EXOC8: variants seen among roughly 807,000 people sequenced by gnomAD.
The protein encoded by EXOC8 is exocyst complex component 8.
Under a neutral mutation model 50.8 loss-of-function variants are expected in EXOC8, and 19 were observed. The ratio of observed to expected loss-of-function variants is 0.37; its 90% confidence interval spans 0.26 to 0.55. The LOEUF is 0.55. Ranked by LOEUF, EXOC8 falls within the 20% of genes least tolerant of loss-of-function variation. The probability of loss-of-function intolerance (pLI) is 0.80; values close to 1 mark genes in which losing one functional copy is unlikely to be tolerated. For missense variants in EXOC8, 781 were observed against 915.8 expected (o/e 0.85, Z 1.90); for synonymous variants, 384 against 367.9 (o/e 1.04, Z -0.50).
In EXOC8 at chr1:231,336,329, C is replaced by A; in HGVS notation, c.1417G>T (p.Glu473Ter). 1.9e-6 allele frequency: 3 copies of A among 1,614,050 alleles called. No individual in the cohort carries two copies. The highest frequency in any genetic ancestry group is 2.5e-6 in the Non-Finnish European group (3 of 1,179,994). Residue 473 changes from glutamate (E) to a stop codon, truncating the protein, a stop_gained, in exon 1 of 1, where the codon GAA becomes TAA. Coordinates refer to ENST00000366645, the MANE Select transcript of EXOC8 (RefSeq NM_175876.5). LOFTEE classifies it high-confidence loss of function. The surrounding 1 kb of genome is among the most constrained non-coding windows in gnomAD (Gnocchi z 5.4). Reference sequence around the variant, plus strand: ...GTGCCTGCAAAATCGATCTCAAATTCTCTTGCAGTCTCGAGAAGGCTGGTA... The same window carrying A: ...GTGCCTGCAAAATCGATCTCAAATTATCTTGCAGTCTCGAGAAGGCTGGTA... ...FFTSLLETAR[E>*]FEIDFAGTDS...
chr1:231,336,629 G>A lies in EXOC8; in HGVS notation c.1117C>T (p.Pro373Ser), dbSNP rs1255700287. ...LNHYLEDKPS[P>S]PPVKELRAKV... ...GCCCTTAGTTCTTTTACAGGAGGTG[G>A]GCTAGGTTTATCTTCCAGGTAATGG... Residue 373 changes from proline to serine, a missense_variant, in exon 1 of 1, where the codon CCA (proline) becomes TCA (serine). Around this residue, in one of 3 missense-constraint regions of EXOC8, gnomAD observed 700 missense variants for 804.1 expected, o/e 0.87. Transcript: ENST00000366645. The surrounding 1 kb of genome is among the most constrained non-coding windows in gnomAD (Gnocchi z 5.4). 1 of 1,614,148 alleles carries A rather than the reference G, an allele frequency of 6.2e-7. No individual in the cohort carries two copies.
Position 231,332,819 on chromosome 1 carries a change from C to T in EXOC8, c.*2749G>A, listed in dbSNP as rs1240842377. 2.0e-5 allele frequency: 3 copies of T among 152,140 alleles called. No individual in the cohort carries two copies. Among genetic ancestry groups the T allele is most frequent in the African/African-American group, 7.2e-5 (3 of 41,432 alleles). 9.4% of individuals were successfully genotyped at this position (152,140 alleles called of 1,614,324 possible). On this transcript the variant is annotated 3_prime_UTR_variant, in exon 1 of 1. Transcript: ENST00000366645. ...TTTCAGATTCCCTCATATCACAGCACATCAATAAGCAGTATGTACATAGAC... is the reference window on the plus strand; with the variant it reads ...TTTCAGATTCCCTCATATCACAGCATATCAATAAGCAGTATGTACATAGAC...
rs1686666603 is a variant in EXOC8 at position 231,336,066 on chromosome 1, T to A, written c.1680A>T (p.Glu560Asp). ...DIQGALHSYKEIIIEATKHRN... is the reference protein window; with the variant it reads ...DIQGALHSYKDIIIEATKHRN... ...GATGTTTAGTGGCTTCAATGATGAT[T>A]TCTTTGTAACTGTGCAAGGCCCCTT... Residue 560 changes from glutamate (E) to aspartate (D), a missense_variant, in exon 1 of 1, where the codon GAA (glutamate) becomes GAT (aspartate). By Grantham distance (45) the Glu-to-Asp change is conservative. Transcript: ENST00000366645. The surrounding 1 kb of genome is among the most constrained non-coding windows in gnomAD (Gnocchi z 5.4). 6.2e-7 allele frequency: 1 copy of A among 1,614,206 alleles called. No homozygotes were observed. Among genetic ancestry groups the A allele is most frequent in the Non-Finnish European group, 8.5e-7 (1 of 1,180,040 alleles).
Position 231,337,023 on chromosome 1 carries a change from G to C in EXOC8, c.723C>G (p.Val241=), listed in dbSNP as rs764558964. Residue 241 remains valine (V), a synonymous_variant, in exon 1 of 1, where the codon GTC becomes GTG. Coordinates refer to ENST00000366645, the MANE Select transcript of EXOC8 (RefSeq NM_175876.5). This position sits in a 1 kb window ranked among gnomAD's most constrained non-coding sequence, Gnocchi z 5.9. ...YSLDGLAVVN[V]KDNPPMKDMF... ...TGTCCTTCATGGGCGGGTTGTCCTT[G>C]ACATTGACTACGGCCAAACCATCTA... 3.1e-6 allele frequency: 5 copies of C among 1,614,096 alleles called. No homozygotes were observed. The South Asian group carries it at 3.3e-5, about 11-fold the overall frequency.
chr1:231,335,451 C>T lies in EXOC8; in HGVS notation c.*117G>A, dbSNP rs1686644633. The T allele has an allele frequency of 5.9e-6, 6 of 1,014,132 alleles. No individual in the cohort carries two copies. The highest frequency in any genetic ancestry group is 7.7e-6 in the Non-Finnish European group (6 of 776,174). 62.8% of individuals were successfully genotyped at this position (1,014,132 alleles called of 1,614,324 possible). On this transcript the variant is annotated 3_prime_UTR_variant, in exon 1 of 1. Coordinates refer to ENST00000366645, the MANE Select transcript of EXOC8 (RefSeq NM_175876.5). ...TGATTTTTGTATTTTTAAGAGGGCACTTTTAATTTTCAAGTTGTGTTTGAA... is the reference window on the plus strand; with the variant it reads ...TGATTTTTGTATTTTTAAGAGGGCATTTTTAATTTTCAAGTTGTGTTTGAA...
In EXOC8 at chr1:231,335,022, A is replaced by AG. The variant is rs1310793329; in HGVS notation, c.*545_*546insC. 2 of 151,918 alleles carry AG rather than the reference A, an allele frequency of 1.3e-5. No individual in the cohort carries two copies. Among genetic ancestry groups the AG allele is most frequent in the Admixed American group, 6.6e-5 (1 of 15,248 alleles). 9.4% of individuals were successfully genotyped at this position (151,918 alleles called of 1,614,324 possible). On this transcript the variant is annotated 3_prime_UTR_variant, in exon 1 of 1. Transcript: ENST00000366645. ...GTATAATATATACTGTGGGGAAAAA[A>AG]AAAAAGAAGAAAGAAAAGACTAGCC...
Position 231,337,383 on chromosome 1 carries a change from C to G in EXOC8, c.363G>C (p.Glu121Asp). 6.2e-7 allele frequency: 1 copy of G among 1,604,044 alleles called. No homozygotes were observed. Among genetic ancestry groups the G allele is most frequent in the Non-Finnish European group, 8.5e-7 (1 of 1,179,620 alleles). ...AAGAAAASGGEEGVGGAGGRD... is the reference protein window; with the variant it reads ...AAGAAAASGGDEGVGGAGGRD... ...GGCCCCCCGCCCCACCGACTCCCTC[C>G]TCCCCTCCAGAGGCGGCGGCGGCTC... The change falls in exon 1 of 1, where the codon GAG (glutamate) becomes GAC (aspartate). Residue 121 changes from glutamate to aspartate, a missense_variant. By Grantham distance (45) the Glu-to-Asp change is conservative. Coordinates refer to ENST00000366645, the MANE Select transcript of EXOC8 (RefSeq NM_175876.5). This position sits in a 1 kb window ranked among gnomAD's most constrained non-coding sequence, Gnocchi z 5.9.
At position 231,337,580 on chromosome 1, in the gene EXOC8, C is replaced by A; in HGVS notation, c.166G>T (p.Ala56Ser). The change falls in exon 1 of 1, where the codon GCG (alanine) becomes TCG (serine). Residue 56 changes from alanine (A) to serine (S), a missense_variant. Transcript: ENST00000366645. This position sits in a 1 kb window ranked among gnomAD's most constrained non-coding sequence, Gnocchi z 5.9. Reference protein sequence around the residue: ...QRIQALAEETAQNLKRNVYQN... With the variant: ...QRIQALAEETSQNLKRNVYQN... ...TAGACGTTGCGCTTCAGGTTCTGCG[C>A]CGTCTCCTCCGCCAGCGCCTGGATG... 1 of 1,612,704 alleles carries A rather than the reference C, an allele frequency of 6.2e-7. No individual in the cohort carries two copies. The highest frequency in any genetic ancestry group is 8.5e-7 in the Non-Finnish European group (1 of 1,179,988).
Position 231,333,778 on chromosome 1 carries a change from A to G in EXOC8, c.*1790T>C, listed in dbSNP as rs1252129649. 6.6e-6 allele frequency: 1 copy of G among 152,614 alleles called. No individual in the cohort carries two copies. Among genetic ancestry groups the G allele is most frequent in the Non-Finnish European group, 1.5e-5 (1 of 68,030 alleles). The allele number at this position is 152,614 out of a possible 1,614,324, so 9.5% of individuals were successfully genotyped here. On this transcript the variant is annotated 3_prime_UTR_variant, in exon 1 of 1. Transcript: ENST00000366645. ...TCCAATATTTTAAATATGCACAGCT[A>G]AAGAGAAAATAAAGGGGTTGATCTG...
Position 231,337,196 on chromosome 1 carries a change from C to A in EXOC8, c.550G>T (p.Val184Leu), listed in dbSNP as rs1343706802. 6.2e-7 allele frequency: 1 copy of A among 1,613,984 alleles called. No individual in the cohort carries two copies. The highest frequency in any genetic ancestry group is 1.3e-5 in the African/African-American group (1 of 74,934). ...HLLETPGQYL[V>L]YNGDLVEYDA... is the part of the protein sequence containing the mutation. ...TATTCCACTAGGTCCCCATTGTACA[C>A]CAAGTACTGTCCCGGCGTCTCCAGC... The change falls in exon 1 of 1, where the codon GTG becomes TTG. Residue 184 changes from valine (V) to leucine (L), a missense_variant. By Grantham distance (32) the Val-to-Leu change is conservative (BLOSUM62 1). Transcript: ENST00000366645. This position sits in a 1 kb window ranked among gnomAD's most constrained non-coding sequence, Gnocchi z 5.9.
Position 231,337,571 on chromosome 1 carries a change from G to A in EXOC8, c.175C>T (p.Leu59=), listed in dbSNP as rs758868991. The change falls in exon 1 of 1, where the codon CTG becomes TTG. Residue 59 remains leucine (L), a synonymous_variant. Coordinates refer to ENST00000366645, the MANE Select transcript of EXOC8 (RefSeq NM_175876.5). The surrounding 1 kb of genome is among the most constrained non-coding windows in gnomAD (Gnocchi z 5.9). ...TAGTTCTGGTAGACGTTGCGCTTCA[G>A]GTTCTGCGCCGTCTCCTCCGCCAGC... The part of the protein sequence containing the change: ...QALAEETAQN[L]KRNVYQNYRQ... The A allele has an allele frequency of 5.0e-6, 8 of 1,612,842 alleles. No homozygotes were observed. The African/African-American group carries it at 6.7e-5, about 13-fold the overall frequency.
chr1:231,335,434 G>T lies in EXOC8; in HGVS notation c.*134C>A, dbSNP rs539739830. 168 of 836,992 alleles carry T rather than the reference G, an allele frequency of 2.0e-4. 1 individual carries two copies. In the South Asian group the frequency reaches 7.1e-3, roughly 35 times the overall value. The allele number at this position is 836,992 out of a possible 1,614,324, so 51.8% of individuals were successfully genotyped here. A position where few individuals can be genotyped will look rare whatever the true frequency, so the allele number is the denominator to read the frequency against. On this transcript the variant is annotated 3_prime_UTR_variant, in exon 1 of 1. Coordinates refer to ENST00000366645, the MANE Select transcript of EXOC8 (RefSeq NM_175876.5). Reference sequence around the variant, plus strand: ...ACTTATTTTCCTCTTTTTGATTTTTGTATTTTTAAGAGGGCACTTTTAATT... The same window carrying T: ...ACTTATTTTCCTCTTTTTGATTTTTTTATTTTTAAGAGGGCACTTTTAATT...
Position 231,335,674 on chromosome 1 carries a change from T to C in EXOC8, c.2072A>G (p.Lys691Arg). 1 of 1,614,214 alleles carries C rather than the reference T, an allele frequency of 6.2e-7. No individual in the cohort carries two copies. Among genetic ancestry groups the C allele is most frequent in the Non-Finnish European group, 8.5e-7 (1 of 1,180,024 alleles). ...TTTCCCCACACCTTCTTCAAACCTTTTCTCCACCACAGGGAGGACTGTTTC... is the reference window on the plus strand; with the variant it reads ...TTTCCCCACACCTTCTTCAAACCTTCTCTCCACCACAGGGAGGACTGTTTC... The part of the protein sequence containing the change: ...LYETVLPVVE[K>R]RFEEGVGKPA... The change falls in exon 1 of 1, where the codon AAA (lysine) becomes AGA (arginine). Residue 691 changes from lysine (K) to arginine (R), a missense_variant. This residue lies in a region of EXOC8 where 79 missense variants were observed against 95.3 expected (regional missense o/e 0.83). Coordinates refer to ENST00000366645, the MANE Select transcript of EXOC8 (RefSeq NM_175876.5).
rs1209557672 is a variant in EXOC8 at position 231,337,659 on chromosome 1, C to T, written c.87G>A (p.Lys29=). Residue 29 remains lysine, a synonymous_variant, in exon 1 of 1, where the codon AAG becomes AAA. Coordinates refer to ENST00000366645, the MANE Select transcript of EXOC8 (RefSeq NM_175876.5). This position sits in a 1 kb window ranked among gnomAD's most constrained non-coding sequence, Gnocchi z 5.9. ...SGGFEARLYV[K]QLSQQSDGDR... is the part of the protein sequence containing the mutation. Reference sequence around the variant, plus strand: ...CCCCATCCGACTGCTGCGAGAGCTGCTTCACGTACAGCCGCGCCTCAAAAC... The same window carrying T: ...CCCCATCCGACTGCTGCGAGAGCTGTTTCACGTACAGCCGCGCCTCAAAAC... 6.2e-7 allele frequency: 1 copy of T among 1,609,844 alleles called. No homozygotes were observed. Among genetic ancestry groups the T allele is most frequent in the African/African-American group, 1.3e-5 (1 of 74,904 alleles).
In EXOC8 at chr1:231,336,630, G is replaced by C; in HGVS notation, c.1116C>G (p.Ser372Arg). 6.2e-7 allele frequency: 1 copy of C among 1,614,138 alleles called. No individual in the cohort carries two copies. Among genetic ancestry groups the C allele is most frequent in the South Asian group, 1.1e-5 (1 of 91,078 alleles). The change falls in exon 1 of 1, where the codon AGC becomes AGG. Residue 372 changes from serine (S) to arginine (R), a missense_variant. Transcript: ENST00000366645. This position sits in a 1 kb window ranked among gnomAD's most constrained non-coding sequence, Gnocchi z 5.4. Reference protein sequence around the residue: ...KLNHYLEDKPSPPPVKELRAK... With the variant: ...KLNHYLEDKPRPPPVKELRAK... ...CCCTTAGTTCTTTTACAGGAGGTGG[G>C]CTAGGTTTATCTTCCAGGTAATGGT...
In EXOC8 at chr1:231,335,531, C is replaced by T. The variant is rs1468633859; in HGVS notation, c.*37G>A. The T allele has an allele frequency of 2.7e-6, 4 of 1,469,792 alleles. No individual in the cohort carries two copies. Among genetic ancestry groups the T allele is most frequent in the Non-Finnish European group, 3.6e-6 (4 of 1,109,844 alleles). The allele number at this position is 1,469,792 out of a possible 1,614,324, so 91.0% of individuals were successfully genotyped here. On this transcript the variant is annotated 3_prime_UTR_variant, in exon 1 of 1. Coordinates refer to ENST00000366645, the MANE Select transcript of EXOC8 (RefSeq NM_175876.5). ...TAAATATAAATAATATATAAGCTCT[C>T]TCTCTGCATATATACACATATAAAC...
Position 231,337,627 on chromosome 1 carries a change from T to C in EXOC8, c.119A>G (p.Asp40Gly). 2 of 1,610,902 alleles carry C rather than the reference T, an allele frequency of 1.2e-6. No homozygotes were observed. The highest frequency in any genetic ancestry group is 1.7e-6 in the Non-Finnish European group (2 of 1,179,852). The change falls in exon 1 of 1, where the codon GAC (aspartate) becomes GGC (glycine). Residue 40 changes from aspartate to glycine, a missense_variant. Around this residue, in one of 3 missense-constraint regions of EXOC8, gnomAD observed 700 missense variants for 804.1 expected, o/e 0.87. Coordinates refer to ENST00000366645, the MANE Select transcript of EXOC8 (RefSeq NM_175876.5). This position sits in a 1 kb window ranked among gnomAD's most constrained non-coding sequence, Gnocchi z 5.9. ...QLSQQSDGDRDLQEHRQRIQA... is the reference protein window; with the variant it reads ...QLSQQSDGDRGLQEHRQRIQA... ...GATGCGCTGCCGGTGCTCCTGGAGGTCCCGGTCCCCATCCGACTGCTGCGA... is the reference window on the plus strand; with the variant it reads ...GATGCGCTGCCGGTGCTCCTGGAGGCCCCGGTCCCCATCCGACTGCTGCGA...
rs1475301600 is a variant in EXOC8 at position 231,334,495 on chromosome 1, C to A, written c.*1073G>T. 2 of 152,194 alleles carry A rather than the reference C, an allele frequency of 1.3e-5. No individual in the cohort carries two copies. The highest frequency in any genetic ancestry group is 2.9e-5 in the Non-Finnish European group (2 of 68,036). 9.4% of individuals were successfully genotyped at this position (152,194 alleles called of 1,614,324 possible). On this transcript the variant is annotated 3_prime_UTR_variant, in exon 1 of 1. Coordinates refer to ENST00000366645, the MANE Select transcript of EXOC8 (RefSeq NM_175876.5). ...TGAAGCGGTGGCAGCTAAAACCTGG[C>A]AACTGCTGCCAGTGTCCCCAATGTG...
In EXOC8 at chr1:231,333,608, A is replaced by C. The variant is rs1186610143; in HGVS notation, c.*1960T>G. ...CACAGAATAATCATAATTATCACAAAATTTTATCAATTTCCAGTGATCTTA... is the reference window on the plus strand; with the variant it reads ...CACAGAATAATCATAATTATCACAACATTTTATCAATTTCCAGTGATCTTA... On this transcript the variant is annotated 3_prime_UTR_variant, in exon 1 of 1. Transcript: ENST00000366645. 6.6e-6 allele frequency: 1 copy of C among 152,620 alleles called. No individual in the cohort carries two copies. The highest frequency in any genetic ancestry group is 1.5e-5 in the Non-Finnish European group (1 of 68,032). The allele number at this position is 152,620 out of a possible 1,614,324, so 9.5% of individuals were successfully genotyped here. A position where few individuals can be genotyped will look rare whatever the true frequency, so the allele number is the denominator to read the frequency against.
Sources: allele counts gnomAD v4.1 joint callset, GRCh38; gene constraint gnomAD v4.1.1; regional missense constraint gnomAD v4.1.1; non-coding constraint Gnocchi (gnomAD v3.1); transcripts MANE v1.5; gene names NCBI Gene and HGNC (gene_info 2026-07-23, HGNC 2026-07-21).